Variants in KCNIP4 observed in about 807,000 individuals in gnomAD.
KCNIP4 encodes Kv channel-interacting protein 4.
KCNIP4 carries 12 observed loss-of-function variants against 34.0 expected under a neutral mutation model. The observed-to-expected ratio is 0.35, with a 90% CI of 0.23 to 0.57. The LOEUF is 0.57. Ranked by LOEUF, KCNIP4 falls within the 20% of genes least tolerant of loss-of-function variation. The pLI, the probability that KCNIP4 is intolerant of heterozygous loss-of-function variation, is 0.83. For synonymous variants in KCNIP4, 124 were observed against 102.2 expected (o/e 1.21, Z -1.29); for missense variants, 238 against 311.7 (o/e 0.76, Z 1.78).
At chr4:21,874,848 T>C (rs1028471752) in intron 1 of KCNIP4, among the ~76,000 whole-genome samples, 1 of 152,216 alleles carries the variant, frequency 6.6e-6, no homozygotes. Context: ...AAATTTCTAA[T>C]TTCTAACTTG....
intron 1 of KCNIP4, among the ~76,000 whole-genome samples, chr4:21,411,063 C>A (rs868553292): frequency 2.0e-5 from 3 of 152,124 alleles, no homozygotes; most frequent in African/African-American, 7.2e-5. Context: ...AGGAATTATT[C>A]ATTCAAAGAC....
intron 1 of KCNIP4, among the ~76,000 whole-genome samples, chr4:20,934,618 C>T (rs1730851107): frequency 6.6e-6 from 1 of 152,208 alleles, no homozygotes; most frequent in South Asian, 2.1e-4. Flanking sequence ...GCAAGCATTG[C>T]AGATACAACA....
chr4:21,560,945 G>A (rs904221246), intron 1 of KCNIP4, among the ~76,000 whole-genome samples: 1 of 151,992 alleles, frequency 6.6e-6, no homozygotes, highest in African/African-American at 2.4e-5. Flanking sequence ...AGATTGTACT[G>A]CAGAATTAAA....
chr4:21,222,842 C>A (rs1758078990), intron 1 of KCNIP4, among the ~76,000 whole-genome samples: 1 of 152,146 alleles, frequency 6.6e-6, no homozygotes, highest in African/African-American at 2.4e-5. Flanking sequence ...TTGTGTTTTG[C>A]AATATTGCCT....
intron 1 of KCNIP4, among the ~76,000 whole-genome samples, chr4:21,672,755 C>G (rs1749600782): frequency 6.6e-6 from 1 of 152,194 alleles, no homozygotes; most frequent in Admixed American, 6.5e-5. Flanking sequence ...TCTCACAGTT[C>G]TTGTGGGTCA....
At chr4:20,937,750 G>C (rs1577396795) in intron 1 of KCNIP4, among the ~76,000 whole-genome samples, 1 of 151,906 alleles carries the variant, frequency 6.6e-6, no homozygotes, top group Non-Finnish European at 1.5e-5. Flanking sequence ...TTTGGATGAA[G>C]CTACCTCTTC....
rs556591423 is a variant in KCNIP4 at position 20,849,567 on chromosome 4, G to A, written c.288+976C>T. On this transcript the variant is annotated intron_variant, in intron 3 of 8. Coordinates refer to ENST00000382152, the MANE Select transcript of KCNIP4 (RefSeq NM_025221.6). ...GTGGTGGTCAGATGTGAAGAGGATG[G>A]CATTAGAAGAAATCCTTGGACATCA... 3.3e-5 allele frequency among the ~76,000 whole-genome samples: 5 copies of A among 152,246 alleles called. No individual in the cohort carries two copies. In the South Asian group the frequency reaches 1.0e-3, roughly 32 times the overall value.
chr4:21,321,055 C>CCTCCTGAGT (rs1370970644), intron 1 of KCNIP4, among the ~76,000 whole-genome samples: 2 of 151,278 alleles, frequency 1.3e-5, no homozygotes, highest in Non-Finnish European at 2.9e-5. Flanking sequence ...AAACCTTTGG[C>CCTCCTGAGT]CTCCTGAGTT....
intron 2 of KCNIP4, among the ~76,000 whole-genome samples, chr4:20,858,419 A>G (rs1400796588): frequency 1.3e-5 from 2 of 152,088 alleles, no homozygotes; most frequent in Admixed American, 1.3e-4. Flanking sequence ...AGCCCTAGCA[A>G]ACTAATATAT....
intron 1 of KCNIP4, among the ~76,000 whole-genome samples, chr4:20,997,946 A>T (rs1213985998): frequency 6.6e-6 from 1 of 152,186 alleles, no homozygotes; most frequent in Non-Finnish European, 1.5e-5. Context: ...AATTTTTGAT[A>T]AAGTTGTTCT....
intron 1 of KCNIP4, among the ~76,000 whole-genome samples, chr4:21,173,799 T>G (rs987490722): frequency 2.6e-5 from 4 of 152,150 alleles, no homozygotes; most frequent in Non-Finnish European, 4.4e-5. Flanking sequence ...ACAAACAGAA[T>G]GGGAGAGAAA....
chr4:21,485,658 G>A (rs1030129487), intron 1 of KCNIP4, among the ~76,000 whole-genome samples: 13 of 152,072 alleles, frequency 8.5e-5, no homozygotes, highest in South Asian at 2.1e-4. Context: ...AAACCTCCTC[G>A]CCCAGCCCTA....
At chr4:21,239,312 T>C (rs1577943178) in intron 1 of KCNIP4, among the ~76,000 whole-genome samples, 1 of 148,454 alleles carries the variant, frequency 6.7e-6, no homozygotes, top group East Asian at 2.0e-4. Context: ...GACATAGGCA[T>C]GGGCAAGGAC....
chr4:21,218,876 G>A (rs1323384992), intron 1 of KCNIP4, among the ~76,000 whole-genome samples: 3 of 152,034 alleles, frequency 2.0e-5, no homozygotes, highest in Non-Finnish European at 4.4e-5. Flanking sequence ...TATTAACTCT[G>A]GTTTCTACCC....
chr4:20,928,310 A>G (rs779332732), intron 1 of KCNIP4, among the ~76,000 whole-genome samples: 1 of 151,568 alleles, frequency 6.6e-6, no homozygotes. Context: ...ACTACAAATC[A>G]ATAACATGGG....
At chr4:20,826,671 C>T (rs938540864) in intron 3 of KCNIP4, among the ~76,000 whole-genome samples, 3 of 152,056 alleles carry the variant, frequency 2.0e-5, no homozygotes, top group Non-Finnish European at 4.4e-5. Context: ...GAATGAAGAA[C>T]ATTCTAGTAC....
intron 1 of KCNIP4, among the ~76,000 whole-genome samples, chr4:20,891,962 C>G (rs1239477349): frequency 6.6e-6 from 1 of 152,158 alleles, no homozygotes; most frequent in Non-Finnish European, 1.5e-5. Context: ...CCTGAAGATA[C>G]TAGGCCCCAG....
chr4:21,633,472 T>C (rs1745904424), intron 1 of KCNIP4, among the ~76,000 whole-genome samples: 1 of 151,996 alleles, frequency 6.6e-6, no homozygotes, highest in Admixed American at 6.6e-5. Context: ...TACTGGGAGG[T>C]TAGTATCTTC....
intron 1 of KCNIP4, among the ~76,000 whole-genome samples, chr4:21,650,296 C>T (rs1338853648): frequency 6.6e-6 from 1 of 152,190 alleles, no homozygotes; most frequent in Non-Finnish European, 1.5e-5. Context: ...TGAACTGTGA[C>T]TTCAAATCAG....
Sources: allele counts gnomAD v4.1 joint callset (sites outside exome capture counted in the v4.1 genomes callset), GRCh38; gene constraint gnomAD v4.1.1; transcripts MANE v1.5; gene names NCBI Gene and HGNC (gene_info 2026-07-23, HGNC 2026-07-21).